Variants in STUM observed in about 807,000 individuals in gnomAD.
STUM encodes the protein protein stum homolog.
Under a neutral mutation model 15.3 loss-of-function variants are expected in STUM, and 8 were observed. The observed-to-expected ratio is 0.52, with a 90% confidence interval of 0.31 to 0.94. The LOEUF is 0.94. Among genes scored for constraint, STUM ranks in the 40% least tolerant of loss-of-function variants. STUM has a pLI of 0.05. For missense variants in STUM, 142 were observed against 204.9 expected, an observed-to-expected ratio of 0.69 and a Z score of 1.87; for synonymous variants, 78 against 88.7, an observed-to-expected ratio of 0.88 and a Z score of 0.68.
intron 1 of STUM, among the ~76,000 whole-genome samples, chr1:226,586,123 C>T (rs963202247): frequency 6.6e-6 from 1 of 152,150 alleles, no homozygotes; most frequent in African/African-American, 2.4e-5. Context: ...CTGCTATTAC[C>T]TGCTATGTCA....
rs1429837834 is a variant in STUM at position 226,554,931 on chromosome 1, T to TA, written c.202+5826dup. Among the ~76,000 whole-genome samples, 5 of 152,306 alleles carry TA rather than the reference T, an allele frequency of 3.3e-5. No individual in the cohort carries two copies. The East Asian group carries it at 9.6e-4, about 29-fold the overall frequency. ...CATGTTTTTGCCTCCATCACTCACT[T>TA]ACACTGCACTTGTCAGGGTCGCCAG... On this transcript the variant is annotated intron_variant, in intron 1 of 3. Transcript: ENST00000366788.
chr1:226,572,936 G>T (rs1667741990), intron 1 of STUM, among the ~76,000 whole-genome samples: 1 of 152,220 alleles, frequency 6.6e-6, no homozygotes, highest in South Asian at 2.1e-4. Context: ...AGGTCCCATG[G>T]TGGCAGAGCC....
chr1:226,553,326 A>G (rs1667398771), intron 1 of STUM, among the ~76,000 whole-genome samples: 1 of 152,228 alleles, frequency 6.6e-6, no homozygotes, highest in Non-Finnish European at 1.5e-5. Context: ...GGTTGTAATG[A>G]AAAGCAGAAA....
intron 1 of STUM, among the ~76,000 whole-genome samples, chr1:226,590,281 G>A (rs552761468): frequency 1.3e-5 from 2 of 152,168 alleles, no homozygotes; most frequent in East Asian, 3.9e-4. Context: ...TTCTCTCCAA[G>A]CCCCCTGACC....
At position 226,549,608 on chromosome 1, in the gene STUM, C is replaced by T. The variant is rs1192351587; in HGVS notation, c.202+502C>T. ...CCGGGCTAGATATACCTGCAGCCCC[C>T]TTTGGTTCGCGGAGTGCGGACCGCG... is the stretch of plus-strand genomic sequence containing the variant. On this transcript the variant is annotated intron_variant, in intron 1 of 3. Transcript: ENST00000366788. The surrounding 1 kb of genome is among the most constrained non-coding windows in gnomAD (Gnocchi z 6.8). Among the ~76,000 whole-genome samples, 1 of 152,224 alleles carries T rather than the reference C, an allele frequency of 6.6e-6. No individual in the cohort carries two copies. The highest frequency in any genetic ancestry group is 1.9e-4 in the East Asian group (1 of 5,178).
At chr1:226,589,266 G>A (rs901133488) in intron 1 of STUM, among the ~76,000 whole-genome samples, 7 of 152,142 alleles carry the variant, frequency 4.6e-5, no homozygotes, top group African/African-American at 1.7e-4. Flanking sequence ...TCTCGTGGGA[G>A]CAGAGCCGCC....
rs955172436 is a variant in STUM, at chr1:226,605,748, G to A, written c.*3708G>A. The A allele has an allele frequency of 2.0e-5, 3 of 152,432 alleles. No homozygotes were observed. Among genetic ancestry groups the A allele is most frequent in the Non-Finnish European group, 4.4e-5 (3 of 68,218 alleles). 9.4% of individuals were successfully genotyped at this position (152,432 alleles called of 1,614,324 possible). ...TGGACGCCTCCACCCTGCCCCACAA[G>A]GCTCCGTACTCCCACCTGCCTGGGC... On this transcript the variant is annotated 3_prime_UTR_variant, in exon 4 of 4. Transcript: ENST00000366788. The surrounding 1 kb of genome is among the most constrained non-coding windows in gnomAD (Gnocchi z 4.0).
rs1254425332 is a variant in STUM at position 226,604,147 on chromosome 1, C to A, written c.*2107C>A. 6.6e-6 allele frequency: 1 copy of A among 152,176 alleles called. No homozygotes were observed. Among genetic ancestry groups the A allele is most frequent in the East Asian group, 1.9e-4 (1 of 5,182 alleles). 9.4% of individuals were successfully genotyped at this position (152,176 alleles called of 1,614,324 possible). ...ACAGGTCTCAGGAGGGGGCCGCCCCCACAAATGGGAGGCGGAAGCTTATTT... is the reference window on the plus strand; with the variant it reads ...ACAGGTCTCAGGAGGGGGCCGCCCCAACAAATGGGAGGCGGAAGCTTATTT... On this transcript the variant is annotated 3_prime_UTR_variant, in exon 4 of 4. Transcript: ENST00000366788. This position sits in a 1 kb window ranked among gnomAD's most constrained non-coding sequence, Gnocchi z 4.7.
intron 3 of STUM, among the ~76,000 whole-genome samples, chr1:226,601,649 G>A (rs1402977088): frequency 6.6e-6 from 1 of 152,128 alleles, no homozygotes; most frequent in Non-Finnish European, 1.5e-5. Context: ...AACCTTCGGG[G>A]AAGCCTGCCT....
chr1:226,596,899 C>T lies in STUM; in HGVS notation c.300C>T (p.Ala100=). The T allele has an allele frequency of 6.2e-7, 1 of 1,614,242 alleles. No individual in the cohort carries two copies. Among genetic ancestry groups the T allele is most frequent in the Non-Finnish European group, 8.5e-7 (1 of 1,180,030 alleles). The change falls in exon 2 of 4, where the codon GCC becomes GCT. Residue 100 remains alanine, a synonymous_variant. Transcript: ENST00000366788. The part of the protein sequence containing the change: ...CCVFWLNIAA[A]LIQILTAIVM... ...TCTTCTGGCTGAACATTGCAGCAGC[C>T]CTCATCCAAATCCTCACTGCCATCG...
rs1255337751 is a variant in STUM at position 226,603,887 on chromosome 1, A to G, written c.*1847A>G. On this transcript the variant is annotated 3_prime_UTR_variant, in exon 4 of 4. Coordinates refer to ENST00000366788, the MANE Select transcript of STUM (RefSeq NM_001003665.4). ...CTGTTTGGAAGCCTCTGTATCTTCA[A>G]GGTGTGGGAACAGATTTGGTTTTCT... 6.6e-6 allele frequency: 1 copy of G among 152,390 alleles called. No individual in the cohort carries two copies. The highest frequency in any genetic ancestry group is 2.4e-5 in the African/African-American group (1 of 41,454). The allele number at this position is 152,390 out of a possible 1,614,324, so 9.4% of individuals were successfully genotyped here.
At chr1:226,571,457 C>T (rs1451830166) in intron 1 of STUM, among the ~76,000 whole-genome samples, 3 of 151,984 alleles carry the variant, frequency 2.0e-5, no homozygotes, top group African/African-American at 4.8e-5. Flanking sequence ...TGATGAAGAC[C>T]AGGTTGTGTT....
chr1:226,600,707 C>T lies in STUM; in HGVS notation c.391+33C>T. On this transcript the variant is annotated intron_variant, in intron 3 of 3. Coordinates refer to ENST00000366788, the MANE Select transcript of STUM (RefSeq NM_001003665.4). The surrounding 1 kb of genome is among the most constrained non-coding windows in gnomAD (Gnocchi z 5.2). The stretch of plus-strand genomic sequence containing the variant: ...TGCGGATGGACGTGCGGGCCTCGTG[C>T]TGCTGCTTGGGGCCCTCCCCTCCCC... 1 of 1,609,032 alleles carries T rather than the reference C, an allele frequency of 6.2e-7. No homozygotes were observed.
chr1:226,560,381 A>T (rs1189332783), intron 1 of STUM, among the ~76,000 whole-genome samples: 1 of 152,198 alleles, frequency 6.6e-6, no homozygotes, highest in East Asian at 1.9e-4. Flanking sequence ...CAGTGCAGGA[A>T]TCCACGTCTC....
intron 1 of STUM, among the ~76,000 whole-genome samples, chr1:226,583,902 C>T (rs1333489221): frequency 3.9e-5 from 6 of 152,172 alleles, no homozygotes; most frequent in African/African-American, 1.4e-4. Flanking sequence ...ACATCCTCGC[C>T]CACTTCTTCT....
At chr1:226,593,674 C>T (rs371804739) in intron 1 of STUM, among the ~76,000 whole-genome samples, 4 of 152,296 alleles carry the variant, frequency 2.6e-5, no homozygotes, top group African/African-American at 7.2e-5. Flanking sequence ...GCTGTCCATC[C>T]GGCGAGAGTA....
chr1:226,554,045 C>G (rs1380296764), intron 1 of STUM, among the ~76,000 whole-genome samples: 2 of 152,230 alleles, frequency 1.3e-5, no homozygotes, highest in Admixed American at 6.5e-5. Context: ...TACTTCCTCC[C>G]CTGTCCACTG....
intron 1 of STUM, among the ~76,000 whole-genome samples, chr1:226,591,843 T>C (rs1668090567): frequency 6.6e-6 from 1 of 152,100 alleles, no homozygotes; most frequent in Non-Finnish European, 1.5e-5. Flanking sequence ...TCCCATTTCC[T>C]AGGCTGAAAG....
rs889591082 is a variant in STUM, at chr1:226,549,947, C to T, written c.202+841C>T. Among the ~76,000 whole-genome samples the T allele has an allele frequency of 6.6e-6, 1 of 152,142 alleles. No homozygotes were observed. The highest frequency in any genetic ancestry group is 2.4e-5 in the African/African-American group (1 of 41,422). On this transcript the variant is annotated intron_variant, in intron 1 of 3. Transcript: ENST00000366788. The surrounding 1 kb of genome is among the most constrained non-coding windows in gnomAD (Gnocchi z 6.8). ...TGGAGGCAGGGAATGAGAAGTTTTC[C>T]TGACCCTCCCTCCCTTAACTCCACC... is the stretch of plus-strand genomic sequence containing the variant.
Sources: allele counts gnomAD v4.1 joint callset (sites outside exome capture counted in the v4.1 genomes callset), GRCh38; gene constraint gnomAD v4.1.1; non-coding constraint Gnocchi (gnomAD v3.1); transcripts MANE v1.5; gene names NCBI Gene and HGNC (gene_info 2026-07-23, HGNC 2026-07-21).